The following SEPTIN11 variants were observed in gnomAD, a reference collection of about 807,000 sequenced individuals.
The protein encoded by SEPTIN11 is septin-11.
SEPTIN11 carries 25 observed loss-of-function variants against 51.4 expected under a neutral mutation model. That is an observed-to-expected ratio of 0.49 (90% CI 0.35 to 0.68). SEPTIN11 has a LOEUF of 0.68. SEPTIN11 is among the 30% of genes least tolerant of loss of function. The pLI, the probability that SEPTIN11 is intolerant of heterozygous loss-of-function variation, is 0.00. For missense variants in SEPTIN11, 381 were observed against 520.8 expected, an observed-to-expected ratio of 0.73 and a Z score of 2.61; for synonymous variants, 174 against 184.1, an observed-to-expected ratio of 0.95 and a Z score of 0.44.
chr4:77,004,846 C>T (rs1262601704), intron 2 of SEPTIN11, among the ~76,000 whole-genome samples: 1 of 152,084 alleles, frequency 6.6e-6, no homozygotes, highest in African/African-American at 2.4e-5. Flanking sequence ...GCCTGTAATC[C>T]TAGCTTCTCA....
chr4:77,020,228 G>A (rs1725601319), intron 6 of SEPTIN11, among the ~76,000 whole-genome samples: 2 of 152,084 alleles, frequency 1.3e-5, no homozygotes, highest in South Asian at 4.1e-4. Context: ...TATTATGAAG[G>A]GTAAAGACAA....
intron 1 of SEPTIN11, among the ~76,000 whole-genome samples, chr4:76,954,474 T>C (rs1469718803): frequency 6.6e-6 from 1 of 152,044 alleles, no homozygotes; most frequent in Non-Finnish European, 1.5e-5. Flanking sequence ...CCCCGCCCCC[T>C]TTTTAAAAAT....
In SEPTIN11 at chr4:76,985,636, T is replaced by C. The variant is rs78441484; in HGVS notation, c.28-10789T>C. ...TATTTCCAGGCCTTTTAGATTCGGC[T>C]TCATCCACAACCAATGTGAGTTCTT... On this transcript the variant is annotated intron_variant, in intron 1 of 9. Transcript: ENST00000264893. Among the ~76,000 whole-genome samples the C allele has an allele frequency of 3.9e-3, 591 of 152,330 alleles. 3 individuals are homozygous for C. The highest frequency in any genetic ancestry group is 5.2e-3 in the Non-Finnish European group (352 of 68,028).
At chr4:76,996,686 C>A (rs1478712970) in intron 2 of SEPTIN11, 147 bp downstream of exon 2, 5 of 620,742 alleles carry the variant, frequency 8.1e-6, no homozygotes, top group African/African-American at 1.8e-5. Context: ...CTGCCTTATA[C>A]ATGTCACAAG....
rs1177379862 is a variant in SEPTIN11, at chr4:77,024,415, G to A, written c.953+3745G>A. 6.6e-6 allele frequency among the ~76,000 whole-genome samples: 1 copy of A among 150,846 alleles called. No individual in the cohort carries two copies. Among genetic ancestry groups the A allele is most frequent in the Non-Finnish European group, 1.5e-5 (1 of 67,952 alleles). On this transcript the variant is annotated intron_variant, in intron 7 of 9. Transcript: ENST00000264893. This position sits in a 1 kb window ranked among gnomAD's most constrained non-coding sequence, Gnocchi z 4.2. ...CACCCAGAGCACCCATGCTTCCCTG[G>A]ACCCAGGCGTCTCCTTCCTCCAGAC...
chr4:76,962,811 A>G (rs1188146365), intron 1 of SEPTIN11, among the ~76,000 whole-genome samples: 1 of 152,192 alleles, frequency 6.6e-6, no homozygotes, highest in Non-Finnish European at 1.5e-5. Flanking sequence ...TCTTTAAGGT[A>G]TACACACAGT....
At position 77,036,819 on chromosome 4, in the gene SEPTIN11, T is replaced by C; in HGVS notation, c.*2307T>C. ...AATGATACCCTCAAATCTAATTGGA[T>C]GTGCTTTCGCCTTTGCATGTAAGTA... On this transcript the variant is annotated 3_prime_UTR_variant, in exon 10 of 10. Transcript: ENST00000264893. 1.3e-6 allele frequency: 2 copies of C among 1,528,042 alleles called. No individual in the cohort carries two copies. Among genetic ancestry groups the C allele is most frequent in the African/African-American group, 1.4e-5 (1 of 72,440 alleles). The allele number at this position is 1,528,042 out of a possible 1,614,324, so 94.7% of individuals were successfully genotyped here.
At chr4:76,999,187 C>T (rs1723944213) in intron 2 of SEPTIN11, among the ~76,000 whole-genome samples, 1 of 152,148 alleles carries the variant, frequency 6.6e-6, no homozygotes, top group Non-Finnish European at 1.5e-5. Flanking sequence ...TTGGGGCCAG[C>T]GTGAGCTCTT....
chr4:76,955,727 T>G (rs918826626), intron 1 of SEPTIN11, among the ~76,000 whole-genome samples: 7 of 152,114 alleles, frequency 4.6e-5, no homozygotes, highest in Non-Finnish European at 1.0e-4. Context: ...CATGCCCAAA[T>G]TGAACCCTTA....
intron 7 of SEPTIN11, among the ~76,000 whole-genome samples, chr4:77,027,917 AT>A (rs1370486170): frequency 6.6e-6 from 1 of 152,110 alleles, no homozygotes; most frequent in East Asian, 1.9e-4. Flanking sequence ...AGAATTGAAA[AT>A]AAAAATTAAA....
chr4:77,028,316 C>T (rs1302843907), intron 7 of SEPTIN11, among the ~76,000 whole-genome samples: 1 of 152,192 alleles, frequency 6.6e-6, no homozygotes, highest in Non-Finnish European at 1.5e-5. Context: ...TCCATCTTCT[C>T]AAATTCTATA....
chr4:76,975,608 A>G (rs1277165178), intron 1 of SEPTIN11, among the ~76,000 whole-genome samples: 2 of 152,238 alleles, frequency 1.3e-5, no homozygotes, highest in Non-Finnish European at 2.9e-5. Flanking sequence ...CAGCTGGGTC[A>G]TCAGATCTGT....
intron 3 of SEPTIN11, among the ~76,000 whole-genome samples, chr4:77,006,979 T>A (rs138667666): frequency 9.6e-4 from 147 of 152,350 alleles, no homozygotes; most frequent in African/African-American, 3.5e-3. Flanking sequence ...GAACAATTGG[T>A]AGATAGAGTG....
chr4:76,965,555 C>T (rs980039307), intron 1 of SEPTIN11, among the ~76,000 whole-genome samples: 30 of 150,540 alleles, frequency 2.0e-4, no homozygotes, highest in Non-Finnish European at 5.9e-5. Context: ...CTATATAATA[C>T]ATATTATATA....
At chr4:77,039,495 A>C (rs1727246552), downstream of SEPTIN11, 1 of 985,278 alleles carries the variant, frequency 1.0e-6, no homozygotes. Context: ...CAGGGCCCAC[A>C]AACTTGATCT....
intron 4 of SEPTIN11, among the ~76,000 whole-genome samples, chr4:77,012,155 T>C (rs990969997): frequency 6.6e-6 from 1 of 151,732 alleles, no homozygotes; most frequent in African/African-American, 2.4e-5. Flanking sequence ...CCAGGAAGTA[T>C]TTTTAATTCT....
chr4:76,995,660 C>T (rs1723663053), intron 1 of SEPTIN11: 1 of 841,700 alleles, frequency 1.2e-6, no homozygotes, highest in Non-Finnish European at 1.7e-6. Context: ...GGGATGCATT[C>T]AAAGTTGTGG....
At chr4:77,008,383 C>T (rs1428539160) in intron 3 of SEPTIN11, among the ~76,000 whole-genome samples, 3 of 152,156 alleles carry the variant, frequency 2.0e-5, no homozygotes, top group African/African-American at 7.2e-5. Flanking sequence ...TTCAACCTCA[C>T]CAAATCTTTA....
At chr4:76,959,741 G>A (rs945745552) in intron 1 of SEPTIN11, among the ~76,000 whole-genome samples, 2 of 152,028 alleles carry the variant, frequency 1.3e-5, no homozygotes, top group Non-Finnish European at 2.9e-5. Flanking sequence ...TGCATAAATT[G>A]GAAAAATGGG....
Sources: allele counts gnomAD v4.1 joint callset (sites outside exome capture counted in the v4.1 genomes callset), GRCh38; gene constraint gnomAD v4.1.1; non-coding constraint Gnocchi (gnomAD v3.1); transcripts MANE v1.5; gene names NCBI Gene and HGNC (gene_info 2026-07-23, HGNC 2026-07-21).